The following ADRA1A variants were observed in gnomAD, a reference collection of about 807,000 sequenced individuals.
ADRA1A encodes alpha-1A adrenergic receptor.
Under a neutral mutation model 29.6 loss-of-function variants are expected in ADRA1A, and 31 were observed. That is an observed-to-expected ratio of 1.05 (90% CI 0.79 to 1.41). The LOEUF (loss-of-function observed/expected upper bound fraction) is 1.41, where lower values mean the gene tolerates loss of function less well. Ranked by LOEUF, ADRA1A falls within the 40% of genes most tolerant of loss-of-function variation. The probability of loss-of-function intolerance (pLI) is 0.00; values close to 1 mark genes in which losing one functional copy is unlikely to be tolerated. For synonymous variants in ADRA1A, 311 were observed against 254.3 expected, an observed-to-expected ratio of 1.22 and a Z score of -2.12; for missense variants, 619 against 601.1, an observed-to-expected ratio of 1.03 and a Z score of -0.31.
At chr8:26,814,964 C>T (rs1237390607) in intron 2 of ADRA1A, among the ~76,000 whole-genome samples, 5 of 152,150 alleles carry the variant, frequency 3.3e-5, no homozygotes, top group African/African-American at 1.2e-4. Context: ...ATGGTGAATG[C>T]CCTTTTTCAG....
chr8:26,850,535 G>T (rs1009922883), intron 2 of ADRA1A, among the ~76,000 whole-genome samples: 13 of 152,320 alleles, frequency 8.5e-5, no homozygotes, highest in African/African-American at 2.9e-4. Context: ...TTGCTCTGTT[G>T]CCCAGGATGC....
In ADRA1A at chr8:26,831,922, C is replaced by T. The variant is rs1313961193; in HGVS notation, c.883+32165G>A. On this transcript the variant is annotated intron_variant, in intron 2 of 2. Transcript: ENST00000380573. This position sits in a 1 kb window ranked among gnomAD's most constrained non-coding sequence, Gnocchi z 5.2. ...CTGGCTCCCACCTCTCCCTAAGAGACACCTGGGCCTGGCCGTGTGGTTTGT... is the reference window on the plus strand; with the variant it reads ...CTGGCTCCCACCTCTCCCTAAGAGATACCTGGGCCTGGCCGTGTGGTTTGT... Among the ~76,000 whole-genome samples, 1 of 152,208 alleles carries T rather than the reference C, an allele frequency of 6.6e-6. No individual in the cohort carries two copies. Among genetic ancestry groups the T allele is most frequent in the Non-Finnish European group, 1.5e-5 (1 of 68,048 alleles).
intron 2 of ADRA1A, among the ~76,000 whole-genome samples, chr8:26,852,117 A>AAAC (rs923170843): frequency 4.6e-5 from 7 of 152,224 alleles, no homozygotes; most frequent in Non-Finnish European, 7.4e-5. Flanking sequence ...TCAAATGAAC[A>AAAC]AACAACAACA....
chr8:26,776,283 G>T (rs893470979), intron 2 of ADRA1A, among the ~76,000 whole-genome samples: 2 of 152,138 alleles, frequency 1.3e-5, no homozygotes, highest in Non-Finnish European at 2.9e-5. Flanking sequence ...TCAGAATGAG[G>T]GTGACTTGAT....
chr8:26,792,729 TA>T (rs1451537675), intron 2 of ADRA1A, among the ~76,000 whole-genome samples: 3 of 147,904 alleles, frequency 2.0e-5, no homozygotes, highest in Admixed American at 6.8e-5. Flanking sequence ...TAAGGTCATA[TA>T]CGTTGGTGAT....
downstream of ADRA1A, among the ~76,000 whole-genome samples, chr8:26,761,079 A>C (rs767977998): frequency 1.3e-5 from 2 of 152,238 alleles, no homozygotes; most frequent in Non-Finnish European, 2.9e-5. Context: ...GCTGCCATCC[A>C]GGAGTTCTCC....
intron 2 of ADRA1A, among the ~76,000 whole-genome samples, chr8:26,863,503 T>C (rs933527579): frequency 6.6e-6 from 1 of 152,194 alleles, no homozygotes; most frequent in East Asian, 1.9e-4. Context: ...GGTTTGGACA[T>C]AAAATCATTT....
chr8:26,827,593 C>T (rs1480013476), intron 2 of ADRA1A, among the ~76,000 whole-genome samples: 1 of 152,148 alleles, frequency 6.6e-6, no homozygotes, highest in African/African-American at 2.4e-5. Flanking sequence ...GACAAGACAG[C>T]GCTCTGGGGT....
At chr8:26,833,758 C>T (rs1464001383) in intron 2 of ADRA1A, among the ~76,000 whole-genome samples, 4 of 152,190 alleles carry the variant, frequency 2.6e-5, no homozygotes, top group Admixed American at 2.6e-4. Flanking sequence ...TTGTTTCTAT[C>T]AGCAAGTGTT....
chr8:26,793,278 A>C (rs1011528976), intron 2 of ADRA1A, among the ~76,000 whole-genome samples: 2 of 152,040 alleles, frequency 1.3e-5, no homozygotes, highest in African/African-American at 4.8e-5. Flanking sequence ...AGATACAGAC[A>C]ACAAAATATG....
At chr8:26,782,464 A>G (rs1339653466) in intron 2 of ADRA1A, among the ~76,000 whole-genome samples, 2 of 152,240 alleles carry the variant, frequency 1.3e-5, no homozygotes, top group African/African-American at 4.8e-5. Context: ...TTAAAAGGCA[A>G]TAGAGTATGG....
chr8:26,814,619 A>C (rs1218032678), intron 2 of ADRA1A, among the ~76,000 whole-genome samples: 2 of 152,220 alleles, frequency 1.3e-5, no homozygotes, highest in Non-Finnish European at 2.9e-5. Context: ...TAAATTTAAC[A>C]CTTCTTTAAA....
At chr8:26,851,717 G>T (rs1282949377) in intron 2 of ADRA1A, among the ~76,000 whole-genome samples, 1 of 152,038 alleles carries the variant, frequency 6.6e-6, no homozygotes, top group Non-Finnish European at 1.5e-5. Flanking sequence ...TTATTGATTT[G>T]ATCTTTTATG....
chr8:26,782,164 T>C (rs1807038996), intron 2 of ADRA1A, among the ~76,000 whole-genome samples: 1 of 152,200 alleles, frequency 6.6e-6, no homozygotes, highest in Non-Finnish European at 1.5e-5. Flanking sequence ...CTCCCCTGCC[T>C]GGATTAAGCT....
At chr8:26,847,540 G>A (rs557329277) in intron 2 of ADRA1A, among the ~76,000 whole-genome samples, 5 of 152,292 alleles carry the variant, frequency 3.3e-5, no homozygotes, top group East Asian at 1.9e-4. Context: ...ACTAAACTAC[G>A]CAGTCCACTT....
chr8:26,769,990 T>C lies in ADRA1A; in HGVS notation c.*159A>G. ...GACACCCTCCCTCTTCCCTGTGCCC[T>C]ACCCGCTGCCTGATGAGTTGGGTCT... On this transcript the variant is annotated 3_prime_UTR_variant, in exon 3 of 3. Transcript: ENST00000380573. The C allele has an allele frequency of 6.9e-7, 1 of 1,440,222 alleles. No individual in the cohort carries two copies. Among genetic ancestry groups the C allele is most frequent in the Non-Finnish European group, 9.1e-7 (1 of 1,101,570 alleles). The allele number at this position is 1,440,222 out of a possible 1,614,324, so 89.2% of individuals were successfully genotyped here. A position where few individuals can be genotyped will look rare whatever the true frequency, so the allele number is the denominator to read the frequency against.
chr8:26,779,171 T>A (rs1415812092), intron 2 of ADRA1A: 3 of 611,848 alleles, frequency 4.9e-6, no homozygotes, highest in Non-Finnish European at 8.8e-6. Flanking sequence ...GGAGACCAGG[T>A]TATCTCTCTC....
At position 26,866,799 on chromosome 8, in the gene ADRA1A, G is replaced by C. The variant is rs1813935319; in HGVS notation, c.-687+137C>G. 5.0e-6 allele frequency: 4 copies of C among 801,034 alleles called. No homozygotes were observed. The highest frequency in any genetic ancestry group is 6.1e-6 in the Non-Finnish European group (4 of 660,786). 49.6% of individuals were successfully genotyped at this position (801,034 alleles called of 1,614,324 possible). A position where few individuals can be genotyped will look rare whatever the true frequency, so the allele number is the denominator to read the frequency against. ...GAAGATGTAAGGGAATCGGGGGTGG[G>C]GTAGAGGGGCCGGTATAAAACCTGG... On this transcript the variant is annotated intron_variant, in intron 1 of 2. Transcript: ENST00000380573. This position sits in a 1 kb window ranked among gnomAD's most constrained non-coding sequence, Gnocchi z 5.7.
chr8:26,857,225 C>G (rs1280062406), intron 2 of ADRA1A, among the ~76,000 whole-genome samples: 1 of 152,144 alleles, frequency 6.6e-6, no homozygotes, highest in Non-Finnish European at 1.5e-5. Flanking sequence ...CCAAGACTCA[C>G]AGCCAGCTTC....
Sources: gnomAD v4.1 joint callset for allele counts (sites outside exome capture counted in the v4.1 genomes callset) on GRCh38, gnomAD v4.1.1 for gene constraint, Gnocchi (gnomAD v3.1) non-coding constraint, MANE v1.5 for transcripts, NCBI Gene and HGNC (gene_info 2026-07-23, HGNC 2026-07-21) for gene names.